The following WDR37 variants were observed in gnomAD, a reference collection of about 807,000 sequenced individuals.
WDR37 encodes WD repeat-containing protein 37.
Under a neutral mutation model 62.9 loss-of-function variants are expected in WDR37, and 19 were observed. The observed-to-expected ratio is 0.30, with a 90% CI of 0.21 to 0.44. The LOEUF is 0.44. Among genes scored for constraint, WDR37 ranks in the 20% least tolerant of loss-of-function variants. The pLI is 1.00. For missense variants in WDR37, 474 were observed against 657.6 expected, an observed-to-expected ratio of 0.72 and a Z score of 3.05; for synonymous variants, 250 against 260.9, an observed-to-expected ratio of 0.96 and a Z score of 0.40.
At chr10:1,059,034 A>G (rs550555832) in intron 1 of WDR37, among the ~76,000 whole-genome samples, 13 of 152,362 alleles carry the variant, frequency 8.5e-5, no homozygotes, top group African/African-American at 3.1e-4. Flanking sequence ...CTGGATATGA[A>G]ACTGAAAGTA....
chr10:1,090,774 T>A (rs1467675776), intron 7 of WDR37, among the ~76,000 whole-genome samples: 1 of 152,214 alleles, frequency 6.6e-6, no homozygotes, highest in Non-Finnish European at 1.5e-5. Flanking sequence ...CAGTTAAATG[T>A]GCACGTGATG....
rs1283953518 is a variant in WDR37 at position 1,056,614 on chromosome 10, A to G, written c.-395A>G. ...CACCTCCCGCGAACCGCTCGGCGGC[A>G]GGAGTACGTGACCAAGGGTGGGGGC... On this transcript the variant is annotated 5_prime_UTR_variant, in exon 1 of 14. Transcript: ENST00000263150. 2.0e-5 allele frequency: 3 copies of G among 152,196 alleles called. No homozygotes were observed. Among genetic ancestry groups the G allele is most frequent in the Non-Finnish European group, 4.4e-5 (3 of 68,050 alleles). 9.4% of individuals were successfully genotyped at this position (152,196 alleles called of 1,614,324 possible).
chr10:1,125,206 C>A, intron 13 of WDR37, 182 bp downstream of exon 13: 2 of 690,928 alleles, frequency 2.9e-6, no homozygotes, highest in Non-Finnish European at 3.6e-6. Flanking sequence ...CAAGTTATTC[C>A]ACACCTACTT....
intron 9 of WDR37, among the ~76,000 whole-genome samples, chr10:1,099,289 C>G (rs1006706342): frequency 3.3e-5 from 5 of 152,220 alleles, no homozygotes; most frequent in Admixed American, 6.5e-5. Context: ...TCAGCCCCCC[C>G]AGTTCGGTGC....
chr10:1,084,386 C>T lies in WDR37; in HGVS notation c.397-17C>T, dbSNP rs762511522. On this transcript the variant is annotated splice_polypyrimidine_tract_variant and intron_variant, in intron 5 of 13. Coordinates refer to ENST00000263150, the MANE Select transcript of WDR37 (RefSeq NM_014023.4). ...CTTCAGTAAATTGTTTCACAAGACT[C>T]CCCATCTTGGTTTCAGATTGTCTCC... is the stretch of plus-strand genomic sequence containing the variant. 3.1e-6 allele frequency: 5 copies of T among 1,603,686 alleles called. No homozygotes were observed. Among genetic ancestry groups the T allele is most frequent in the South Asian group, 1.1e-5 (1 of 90,866 alleles).
At chr10:1,091,114 G>A (rs1249935691) in intron 7 of WDR37, among the ~76,000 whole-genome samples, 6 of 152,210 alleles carry the variant, frequency 3.9e-5, no homozygotes, top group African/African-American at 9.6e-5. Flanking sequence ...GCAGTGCTGC[G>A]AAGCAACTGC....
chr10:1,080,835 G>C (rs555067511), intron 5 of WDR37, among the ~76,000 whole-genome samples: 1 of 152,084 alleles, frequency 6.6e-6, no homozygotes, highest in East Asian at 1.9e-4. Context: ...AAGCCTGGGA[G>C]GTGGAGGTTG....
intron 8 of WDR37, among the ~76,000 whole-genome samples, chr10:1,094,374 C>T (rs1834496335): frequency 6.6e-6 from 1 of 152,202 alleles, no homozygotes; most frequent in African/African-American, 2.4e-5. Flanking sequence ...CTGGCCCCTT[C>T]ATGCAGGTGG....
chr10:1,123,146 A>T (rs1835639761), intron 11 of WDR37, among the ~76,000 whole-genome samples: 1 of 152,130 alleles, frequency 6.6e-6, no homozygotes, highest in Non-Finnish European at 1.5e-5. Context: ...ATTTCAACAC[A>T]TTTGAATTAA....
chr10:1,086,404 C>T, intron 7 of WDR37, 47 bp downstream of exon 7: 1 of 1,501,590 alleles, frequency 6.7e-7, no homozygotes, highest in Non-Finnish European at 9.2e-7. Flanking sequence ...GTTGCCTTCT[C>T]CAGTGTGTTT....
At chr10:1,118,819 A>G (rs117685049) in intron 11 of WDR37, among the ~76,000 whole-genome samples, 3,977 of 152,258 alleles carry the variant, frequency 0.026, 76 homozygotes, top group Non-Finnish European at 0.041. Context: ...CCCTGCCCTG[A>G]TGGCCCCGCA....
chr10:1,092,012 C>G (rs1362170275), intron 7 of WDR37, among the ~76,000 whole-genome samples: 1 of 150,200 alleles, frequency 6.7e-6, no homozygotes, highest in Non-Finnish European at 1.5e-5. Context: ...AACCCCGTTT[C>G]TACTAAAAAT....
At chr10:1,076,732 T>C (rs1303004019) in intron 2 of WDR37, among the ~76,000 whole-genome samples, 1 of 148,400 alleles carries the variant, frequency 6.7e-6, no homozygotes, top group African/African-American at 2.5e-5. Context: ...TTATGCTATA[T>C]GTAAATTTGA....
At chr10:1,129,174 G>A (rs1338259845) in intron 13 of WDR37, 39 bp from the exon 14 acceptor site, 2 of 1,602,658 alleles carry the variant, frequency 1.2e-6, no homozygotes, top group Non-Finnish European at 1.7e-6. Context: ...TTACTTTCGG[G>A]AATAATGCAC....
intron 9 of WDR37, among the ~76,000 whole-genome samples, chr10:1,101,867 C>T (rs1180605823): frequency 6.6e-6 from 1 of 152,232 alleles, no homozygotes; most frequent in African/African-American, 2.4e-5. Flanking sequence ...GCGCCCCCAT[C>T]CAGCTGCCCC....
At chr10:1,090,983 G>C (rs1266828385) in intron 7 of WDR37, among the ~76,000 whole-genome samples, 2 of 152,198 alleles carry the variant, frequency 1.3e-5, no homozygotes, top group Admixed American at 1.3e-4. Flanking sequence ...GGTGACCGGG[G>C]GTGATTGAGC....
Position 1,122,104 on chromosome 10 carries a change from C to T in WDR37, c.1104-2114C>T, listed in dbSNP as rs557201465. ...CCAGGGCCGCATAGAGCATGAAATCCCATGTCACGGTACAGCTTCAGTGGC... is the reference window on the plus strand; with the variant it reads ...CCAGGGCCGCATAGAGCATGAAATCTCATGTCACGGTACAGCTTCAGTGGC... On this transcript the variant is annotated intron_variant, in intron 11 of 13. Coordinates refer to ENST00000263150, the MANE Select transcript of WDR37 (RefSeq NM_014023.4). Among the ~76,000 whole-genome samples, 3 of 152,180 alleles carry T rather than the reference C, an allele frequency of 2.0e-5. No individual in the cohort carries two copies. In the East Asian group the frequency reaches 5.8e-4, roughly 29 times the overall value.
chr10:1,083,522 TTTATTCTGAAAAGTCTACA>T (rs1489030473), intron 5 of WDR37, among the ~76,000 whole-genome samples: 3 of 152,242 alleles, frequency 2.0e-5, no homozygotes, highest in Admixed American at 6.5e-5. Context: ...GTTTTTTTGT[TTTATTCTGAAAAGTCTACA>T]TTATTCTGAT....
At chr10:1,094,230 C>G (rs2131643313) in intron 8 of WDR37, among the ~76,000 whole-genome samples, 1 of 152,348 alleles carries the variant, frequency 6.6e-6, no homozygotes, top group Middle Eastern at 3.4e-3. Flanking sequence ...CTCTTGCAGC[C>G]TAAAAGCAGC....
Sources: gnomAD v4.1 joint callset for allele counts (sites outside exome capture counted in the v4.1 genomes callset) on GRCh38, gnomAD v4.1.1 for gene constraint, MANE v1.5 for transcripts, NCBI Gene and HGNC (gene_info 2026-07-23, HGNC 2026-07-21) for gene names.